NCOA2: variants seen among roughly 807,000 people sequenced by gnomAD.
NCOA2 encodes the protein nuclear receptor coactivator 2.
NCOA2 carries 21 observed loss-of-function variants against 145.1 expected under a neutral mutation model. That is an observed-to-expected ratio of 0.14 (90% confidence interval 0.10 to 0.21). The LOEUF is 0.21. NCOA2 is among the 10% of genes least tolerant of loss of function. NCOA2 has a pLI of 1.00. For missense variants in NCOA2, 1,472 were observed against 1,837.6 expected (o/e 0.80, Z 3.64); for synonymous variants, 619 against 637.5 (o/e 0.97, Z 0.44).
intron 1 of NCOA2, among the ~76,000 whole-genome samples, chr8:70,364,427 AG>A (rs1210071880): frequency 1.3e-5 from 2 of 152,226 alleles, no homozygotes; most frequent in African/African-American, 4.8e-5. Flanking sequence ...TGACTTTTTC[AG>A]AAAAATGCAA....
chr8:70,422,327 A>G, the NCOA2 span, among the ~76,000 whole-genome samples: 2 of 152,110 alleles, frequency 1.3e-5, no homozygotes, highest in Admixed American at 1.3e-4. Context: ...CTGCAAGTCC[A>G]AATTTTCTTG....
chr8:70,217,947 GCTT>G (rs1404585133), intron 2 of NCOA2, among the ~76,000 whole-genome samples: 3 of 151,554 alleles, frequency 2.0e-5, no homozygotes, highest in East Asian at 1.9e-4. Flanking sequence ...TTTTGTAGTG[GCTT>G]CTTTTCTTTT....
the NCOA2 span, among the ~76,000 whole-genome samples, chr8:70,447,682 CTTTTTTTT>C: frequency 1.8e-5 from 2 of 113,092 alleles, no homozygotes; most frequent in Non-Finnish European, 3.4e-5. Context: ...TCTTTGTTTT[CTTTTTTTT>C]TTTTTTTTTT....
chr8:70,422,844 T>C, the NCOA2 span, among the ~76,000 whole-genome samples: 2 of 152,208 alleles, frequency 1.3e-5, no homozygotes, highest in African/African-American at 4.8e-5. Context: ...ATCTTTCATA[T>C]TTTATGTATG....
chr8:70,217,076 G>A (rs932711847), intron 2 of NCOA2, among the ~76,000 whole-genome samples: 5 of 152,146 alleles, frequency 3.3e-5, no homozygotes, highest in Non-Finnish European at 5.9e-5. Flanking sequence ...CTGGGTTTGG[G>A]CTGCCAGCCT....
At chr8:70,264,800 T>C (rs1488633482) in intron 2 of NCOA2, among the ~76,000 whole-genome samples, 4 of 151,998 alleles carry the variant, frequency 2.6e-5, no homozygotes, top group South Asian at 2.1e-4. Context: ...TGCACAACAT[T>C]TGACTGACTT....
At chr8:70,413,914 G>A in the NCOA2 span, among the ~76,000 whole-genome samples, 2 of 152,002 alleles carry the variant, frequency 1.3e-5, no homozygotes, top group African/African-American at 2.4e-5. Context: ...AGTTGGTCTC[G>A]TGCCCCACCC....
At chr8:70,249,977 A>AAAAAAAAGAAGAAG (rs751876043) in intron 2 of NCOA2, among the ~76,000 whole-genome samples, 13 of 137,914 alleles carry the variant, frequency 9.4e-5, no homozygotes, top group Admixed American at 2.3e-4. Flanking sequence ...AAAAAAAAAA[A>AAAAAAAAGAAGAAG]AAGAAGAAGA....
chr8:70,330,298 G>A (rs547515163), intron 1 of NCOA2, among the ~76,000 whole-genome samples: 3 of 151,934 alleles, frequency 2.0e-5, no homozygotes, highest in Admixed American at 6.6e-5. Flanking sequence ...AGCTCGGTAC[G>A]GTGGCTCATG....
chr8:70,315,488 G>GT (rs1356107904), intron 1 of NCOA2, among the ~76,000 whole-genome samples: 1 of 152,148 alleles, frequency 6.6e-6, no homozygotes, highest in Non-Finnish European at 1.5e-5. Context: ...TACTGGGAAA[G>GT]TAAGTTAAAT....
In NCOA2 at chr8:70,210,150, C is replaced by A. The variant is rs180962925; in HGVS notation, c.259+3753G>T. 1.7e-3 allele frequency among the ~76,000 whole-genome samples: 264 copies of A among 152,298 alleles called. 2 individuals are homozygous for A. The highest frequency in any genetic ancestry group is 0.014 in the Admixed American group (211 of 15,302). ...TGTGTGACTTTGCCAGGCTACTTAA[C>A]CACTCTGTGTCTCAGGTTCCCCTCC... On this transcript the variant is annotated intron_variant, in intron 4 of 22. Transcript: ENST00000452400.
intron 1 of NCOA2, among the ~76,000 whole-genome samples, chr8:70,349,646 G>C (rs1485037236): frequency 6.6e-6 from 1 of 151,896 alleles, no homozygotes; most frequent in Non-Finnish European, 1.5e-5. Context: ...TAACTCCTAA[G>C]CTTTCCATAA....
intron 2 of NCOA2, among the ~76,000 whole-genome samples, chr8:70,243,725 A>G (rs1822356235): frequency 6.6e-6 from 1 of 151,072 alleles, no homozygotes; most frequent in East Asian, 1.9e-4. Context: ...ATGGTATGTA[A>G]CCCTGTCTCA....
At chr8:70,246,518 T>A (rs1822632988) in intron 2 of NCOA2, among the ~76,000 whole-genome samples, 1 of 152,168 alleles carries the variant, frequency 6.6e-6, no homozygotes, top group South Asian at 2.1e-4. Flanking sequence ...CCTCATCTCA[T>A]AAATGCAAAA....
intron 4 of NCOA2, among the ~76,000 whole-genome samples, chr8:70,183,721 C>T (rs188898327): frequency 3.3e-5 from 5 of 152,342 alleles, no homozygotes; most frequent in African/African-American, 1.2e-4. Context: ...AGTTAGGCCC[C>T]TGCCGCCGTG....
At chr8:70,440,639 GAA>G in the NCOA2 span, among the ~76,000 whole-genome samples, 1 of 146,788 alleles carries the variant, frequency 6.8e-6, no homozygotes, top group East Asian at 2.0e-4. Context: ...AAGAAAGAAA[GAA>G]GAGAGAGAGA....
intron 1 of NCOA2, among the ~76,000 whole-genome samples, chr8:70,330,124 A>AT (rs199837873): frequency 0.01 from 1,564 of 151,338 alleles, 35 homozygotes; most frequent in African/African-American, 0.036. Flanking sequence ...ATCTAAACCT[A>AT]TTTTTTTTTC....
At chr8:70,380,052 T>A (rs557856506) in intron 1 of NCOA2, among the ~76,000 whole-genome samples, 4 of 152,230 alleles carry the variant, frequency 2.6e-5, no homozygotes, top group South Asian at 4.1e-4. Flanking sequence ...CATGAGTAAT[T>A]AACATACAGC....
chr8:70,118,071 C>T (rs1807347983), intron 22 of NCOA2, among the ~76,000 whole-genome samples: 1 of 152,160 alleles, frequency 6.6e-6, no homozygotes, highest in Admixed American at 6.5e-5. Context: ...TACGGAGTGG[C>T]TTTCTCGGGG....
Sources: allele counts gnomAD v4.1 joint callset (sites outside exome capture counted in the v4.1 genomes callset), GRCh38; gene constraint gnomAD v4.1.1; transcripts MANE v1.5; gene names NCBI Gene and HGNC (gene_info 2026-07-23, HGNC 2026-07-21).